Variants in MDGA2 observed in about 807,000 individuals in gnomAD.
The protein encoded by MDGA2 is MAM domain containing glycosylphosphatidylinositol anchor 2.
In MDGA2, 40 loss-of-function variants were observed where a neutral mutation model predicts 117.8. The observed-to-expected ratio is 0.34, with a 90% confidence interval of 0.26 to 0.44. MDGA2 has a LOEUF of 0.44. MDGA2 is among the 20% of genes least tolerant of loss of function. The probability of loss-of-function intolerance (pLI) is 1.00; values close to 1 mark genes in which losing one functional copy is unlikely to be tolerated. For synonymous variants in MDGA2, 452 were observed against 439.0 expected, an observed-to-expected ratio of 1.03 and a Z score of -0.37; for missense variants, 1,123 against 1,250.6, an observed-to-expected ratio of 0.90 and a Z score of 1.54.
rs551068570 is a variant in MDGA2, at chr14:47,389,937, TCAGA to T, written c.281-88391_281-88388del. 6.2e-4 allele frequency among the ~76,000 whole-genome samples: 94 copies of T among 152,302 alleles called. 1 individual carries two copies. The highest frequency in any genetic ancestry group is 2.1e-3 in the African/African-American group (89 of 41,556). On this transcript the variant is annotated intron_variant, in intron 1 of 16. Transcript: ENST00000399232. Reference sequence around the variant, plus strand: ...TATTTAGTGGTGAATATCTTGACTCTCAGACAGAAACAATGCAGGCTGGCTCCTT... The same window carrying T: ...TATTTAGTGGTGAATATCTTGACTCTCAGAAACAATGCAGGCTGGCTCCTT...
chr14:47,357,153 T>C (rs936826451), intron 1 of MDGA2, among the ~76,000 whole-genome samples: 2 of 152,186 alleles, frequency 1.3e-5, no homozygotes, highest in Admixed American at 6.5e-5. Context: ...TTGTACATAA[T>C]GTAATATACC....
intron 8 of MDGA2, among the ~76,000 whole-genome samples, chr14:47,000,622 A>G (rs1887497198): frequency 6.6e-6 from 1 of 151,138 alleles, no homozygotes; most frequent in Non-Finnish European, 1.5e-5. Flanking sequence ...AATATAAAAC[A>G]AAAGTTTTTG....
chr14:47,074,173 TTCC>T (rs1890402692), intron 6 of MDGA2, among the ~76,000 whole-genome samples: 1 of 152,138 alleles, frequency 6.6e-6, no homozygotes, highest in African/African-American at 2.4e-5. Context: ...CAGAAAGTCT[TTCC>T]TCAACTTCTT....
chr14:46,971,593 G>A (rs965651165), intron 8 of MDGA2, among the ~76,000 whole-genome samples: 3 of 151,990 alleles, frequency 2.0e-5, no homozygotes, highest in Non-Finnish European at 4.4e-5. Flanking sequence ...ATGTTGATTA[G>A]TGGGTACAAA....
intron 6 of MDGA2, among the ~76,000 whole-genome samples, chr14:47,089,297 T>C (rs1482955480): frequency 6.6e-6 from 1 of 152,188 alleles, no homozygotes. Flanking sequence ...TGTGTGGTCT[T>C]TGAATCCCAG....
At chr14:47,311,965 AATAATTT>A (rs1173604737) in intron 1 of MDGA2, among the ~76,000 whole-genome samples, 1 of 152,162 alleles carries the variant, frequency 6.6e-6, no homozygotes, top group Admixed American at 6.6e-5. Flanking sequence ...AAGAAATATA[AATAATTT>A]ATACTCTGAT....
At chr14:47,370,786 C>T (rs1891339260) in intron 1 of MDGA2, among the ~76,000 whole-genome samples, 1 of 151,480 alleles carries the variant, frequency 6.6e-6, no homozygotes, top group Non-Finnish European at 1.5e-5. Flanking sequence ...CTTTAGGTGT[C>T]CAATGACTTT....
At chr14:46,846,830 A>G (rs575940627) in intron 15 of MDGA2, among the ~76,000 whole-genome samples, 23 of 152,238 alleles carry the variant, frequency 1.5e-4, no homozygotes, top group Admixed American at 6.5e-4. Flanking sequence ...GGTCATTCCA[A>G]AGAATAGTTT....
At chr14:47,608,891 A>T (rs1896788617) in intron 1 of MDGA2, among the ~76,000 whole-genome samples, 1 of 152,022 alleles carries the variant, frequency 6.6e-6, no homozygotes, top group Non-Finnish European at 1.5e-5. Context: ...TTGTAGAAGC[A>T]GAACTATGCT....
At chr14:47,485,452 A>G (rs1159206942) in intron 1 of MDGA2, among the ~76,000 whole-genome samples, 1 of 152,198 alleles carries the variant, frequency 6.6e-6, no homozygotes, top group African/African-American at 2.4e-5. Flanking sequence ...AAGTTTGGAA[A>G]TTTTGCAGCC....
chr14:46,935,181 G>C (rs1336545058), intron 9 of MDGA2, among the ~76,000 whole-genome samples: 4 of 152,076 alleles, frequency 2.6e-5, no homozygotes, highest in Admixed American at 1.3e-4. Context: ...TTAATGAGAT[G>C]GAAGCAGAAA....
At chr14:47,131,498 T>A (rs1254378775) in intron 5 of MDGA2, among the ~76,000 whole-genome samples, 1 of 152,034 alleles carries the variant, frequency 6.6e-6, no homozygotes, top group Admixed American at 6.6e-5. Context: ...TAATTTTGTA[T>A]GTTATACACG....
At chr14:46,914,321 A>T (rs1315960366) in intron 10 of MDGA2, among the ~76,000 whole-genome samples, 1 of 152,146 alleles carries the variant, frequency 6.6e-6, no homozygotes, top group African/African-American at 2.4e-5. Flanking sequence ...GAGCCTAAAA[A>T]GTACAACTTT....
At chr14:46,852,294 A>C (rs1193902910) in intron 15 of MDGA2, among the ~76,000 whole-genome samples, 1 of 151,674 alleles carries the variant, frequency 6.6e-6, no homozygotes, top group African/African-American at 2.4e-5. Context: ...ACTAGATATC[A>C]GATAATGAAG....
At chr14:47,132,483 C>G (rs1208470279) in intron 4 of MDGA2, among the ~76,000 whole-genome samples, 1 of 151,810 alleles carries the variant, frequency 6.6e-6, no homozygotes, top group East Asian at 1.9e-4. Flanking sequence ...GGGTAACTCT[C>G]CAGGTAAATC....
intron 3 of MDGA2, among the ~76,000 whole-genome samples, chr14:47,152,863 A>C (rs1883216451): frequency 6.6e-6 from 1 of 152,182 alleles, no homozygotes; most frequent in South Asian, 2.1e-4. Context: ...ATATTAAATT[A>C]AATAATTACA....
At chr14:47,170,292 T>G (rs1884066449) in intron 3 of MDGA2, among the ~76,000 whole-genome samples, 1 of 152,186 alleles carries the variant, frequency 6.6e-6, no homozygotes, top group South Asian at 2.1e-4. Flanking sequence ...AAGAAATTGT[T>G]TGAAATTTTG....
intron 1 of MDGA2, among the ~76,000 whole-genome samples, chr14:47,494,300 A>C (rs754604832): frequency 2.6e-5 from 4 of 152,218 alleles, no homozygotes; most frequent in Non-Finnish European, 4.4e-5. Context: ...ATGTTTGTGC[A>C]GGGATTGGTA....
At chr14:46,873,373 A>T in intron 14 of MDGA2, 60 bp downstream of exon 14, 3 of 1,447,126 alleles carry the variant, frequency 2.1e-6, no homozygotes, top group Non-Finnish European at 2.8e-6. Context: ...TGTGTTTATG[A>T]ACCTTTTTCT....
Sources: allele counts gnomAD v4.1 joint callset (sites outside exome capture counted in the v4.1 genomes callset), GRCh38; gene constraint gnomAD v4.1.1; transcripts MANE v1.5; gene names NCBI Gene and HGNC (gene_info 2026-07-23, HGNC 2026-07-21).